Variants in JARID2 observed in about 807,000 individuals in gnomAD.
The protein encoded by JARID2 is protein Jumonji.
A neutral mutation model predicts 125.6 loss-of-function variants in JARID2; 21 were observed. The ratio of observed to expected loss-of-function variants is 0.17; its 90% CI spans 0.12 to 0.24. The LOEUF (loss-of-function observed/expected upper bound fraction) is 0.24. Ranked by LOEUF, JARID2 falls within the 10% of genes least tolerant of loss-of-function variation. The pLI is 1.00. For missense variants in JARID2, 1,303 were observed against 1,639.6 expected, an observed-to-expected ratio of 0.79 and a Z score of 3.55; for synonymous variants, 736 against 661.6, an observed-to-expected ratio of 1.11 and a Z score of -1.73.
In JARID2 at chr6:15,359,914, T is replaced by G. The variant is rs114748642; in HGVS notation, c.46-14203T>G. Among the ~76,000 whole-genome samples the G allele has an allele frequency of 4.3e-3, 659 of 152,226 alleles. 3 individuals are homozygous for G. Among genetic ancestry groups the G allele is most frequent in the Middle Eastern group, 0.02 (6 of 294 alleles). ...CCTGGTCAGGTTGGTCTTGAACCCC[T>G]GACCTCAGGTGATCTATCTTCCTCG... On this transcript the variant is annotated intron_variant, in intron 1 of 17. Coordinates refer to ENST00000341776, the MANE Select transcript of JARID2 (RefSeq NM_004973.4).
intron 3 of JARID2, among the ~76,000 whole-genome samples, chr6:15,415,470 G>T (rs1358530378): frequency 6.8e-6 from 1 of 146,646 alleles, no homozygotes; most frequent in Non-Finnish European, 1.5e-5. Flanking sequence ...CCTCCCGCAC[G>T]GGGCGGCTGG....
At chr6:15,427,911 C>T (rs1766800451) in intron 3 of JARID2, among the ~76,000 whole-genome samples, 1 of 150,896 alleles carries the variant, frequency 6.6e-6, no homozygotes. Context: ...CAGAGTGCTG[C>T]TTGATGTTAA....
intron 3 of JARID2, among the ~76,000 whole-genome samples, chr6:15,421,434 C>T (rs1294614999): frequency 3.3e-5 from 5 of 150,806 alleles, no homozygotes; most frequent in African/African-American, 7.3e-5. Context: ...AGGTGAACAG[C>T]GTAAGTAAGC....
rs1458759726 is a variant in JARID2, at chr6:15,344,106, T to C, written c.46-30011T>C. ...GTTTTACTTGGGAGTATGTAGTGAT[T>C]TTTTTTTTTTTTTTTTTTTTTTTTG... On this transcript the variant is annotated intron_variant, in intron 1 of 17. Coordinates refer to ENST00000341776, the MANE Select transcript of JARID2 (RefSeq NM_004973.4). 5.5e-4 allele frequency among the ~76,000 whole-genome samples: 3 copies of C among 5,416 alleles called. No individual in the cohort carries two copies. The African/African-American group carries it at 7.2e-3, about 13-fold the overall frequency. 3.6% of individuals were successfully genotyped at this position (5,416 alleles called of 152,430 possible). A position where few individuals can be genotyped will look rare whatever the true frequency, so the allele number is the denominator to read the frequency against.
intron 2 of JARID2, among the ~76,000 whole-genome samples, chr6:15,374,717 C>T (rs1196642879): frequency 1.3e-5 from 2 of 152,212 alleles, no homozygotes; most frequent in Non-Finnish European, 2.9e-5. Context: ...CTTTGCATAC[C>T]TCTAGAAGTG....
intron 3 of JARID2, among the ~76,000 whole-genome samples, chr6:15,440,299 C>A (rs985333349): frequency 2.0e-5 from 3 of 152,192 alleles, no homozygotes; most frequent in African/African-American, 7.2e-5. Context: ...CTGATAAAAA[C>A]TGGGAGGACT....
At chr6:15,489,282 G>A (rs1770031998) in intron 6 of JARID2, among the ~76,000 whole-genome samples, 1 of 152,146 alleles carries the variant, frequency 6.6e-6, no homozygotes, top group East Asian at 1.9e-4. Flanking sequence ...ATCAGAACTG[G>A]AGGCCATATC....
At chr6:15,253,831 A>G (rs1277083156) in intron 1 of JARID2, among the ~76,000 whole-genome samples, 10 of 152,178 alleles carry the variant, frequency 6.6e-5, no homozygotes, top group Admixed American at 6.5e-4. Context: ...ATAACCGCCT[A>G]CATTGTGAGT....
intron 2 of JARID2, among the ~76,000 whole-genome samples, chr6:15,386,798 TAGC>T (rs1436204621): frequency 6.6e-6 from 1 of 152,228 alleles, no homozygotes; most frequent in African/African-American, 2.4e-5. Flanking sequence ...TGCATCCCCT[TAGC>T]AGCTCCAGAA....
At chr6:15,250,748 AG>A (rs1759413960) in intron 1 of JARID2, among the ~76,000 whole-genome samples, 1 of 152,198 alleles carries the variant, frequency 6.6e-6, no homozygotes, top group Admixed American at 6.5e-5. Context: ...GTTTCCTCAT[AG>A]TGGGTTAAAC....
chr6:15,360,674 T>G (rs545505844), intron 1 of JARID2, among the ~76,000 whole-genome samples: 72 of 152,202 alleles, frequency 4.7e-4, no homozygotes, highest in African/African-American at 1.5e-3. Flanking sequence ...ATTTTAAATT[T>G]TTGTTGTTGT....
At chr6:15,332,733 C>A (rs946941280) in intron 1 of JARID2, among the ~76,000 whole-genome samples, 31 of 151,914 alleles carry the variant, frequency 2.0e-4, no homozygotes, top group African/African-American at 6.5e-4. Flanking sequence ...TCCTGCAGAG[C>A]TGGAAAGAGA....
intron 1 of JARID2, among the ~76,000 whole-genome samples, chr6:15,278,573 A>G (rs1329045373): frequency 2.6e-5 from 4 of 151,368 alleles, no homozygotes; most frequent in African/African-American, 7.3e-5. Flanking sequence ...GCAACAGAGC[A>G]AGACTCCGTC....
rs1051261122 is a variant in JARID2 at position 15,433,430 on chromosome 6, G to C, written c.324-18576G>C. Among the ~76,000 whole-genome samples, 6 of 151,460 alleles carry C rather than the reference G, an allele frequency of 4.0e-5. No individual in the cohort carries two copies. In the South Asian group the frequency reaches 1.0e-3, roughly 26 times the overall value. On this transcript the variant is annotated intron_variant, in intron 3 of 17. Coordinates refer to ENST00000341776, the MANE Select transcript of JARID2 (RefSeq NM_004973.4). ...TCTCTCTGTGTGTGTGTGTGTGTGT[G>C]TGTGTGTGTGTGTGTGTGTGTATAA... is the stretch of plus-strand genomic sequence containing the variant.
At position 15,508,425 on chromosome 6, in the gene JARID2, C is replaced by T. The variant is rs773139206; in HGVS notation, c.2817C>T (p.Asp939=). Residue 939 remains aspartate, a synonymous_variant, in exon 12 of 18, where the codon GAC becomes GAT. Transcript: ENST00000341776. ...ACCAAAATCACCTTCCATACATTGA[C>T]TACTTACACACTGGTGCTGACTGCA... ...SRDQNHLPYI[D]YLHTGADCIW... 6.2e-7 allele frequency: 1 copy of T among 1,602,828 alleles called. No homozygotes were observed. Among genetic ancestry groups the T allele is most frequent in the South Asian group, 1.1e-5 (1 of 90,866 alleles).
intron 3 of JARID2, among the ~76,000 whole-genome samples, chr6:15,448,203 T>C (rs1229726421): frequency 1.3e-5 from 2 of 152,236 alleles, no homozygotes; most frequent in Admixed American, 1.3e-4. Flanking sequence ...CTTCTTCCTC[T>C]AAGGGGTAAT....
chr6:15,349,057 C>G lies in JARID2; in HGVS notation c.46-25060C>G, dbSNP rs76100838. 9.9e-5 allele frequency among the ~76,000 whole-genome samples: 15 copies of G among 152,276 alleles called. No homozygotes were observed. The East Asian group carries it at 2.9e-3, about 29-fold the overall frequency. ...GGGAAAAATGTTTTCACTGAGATTC[C>G]TGAAACCATATTGCAACATGAGTTT... On this transcript the variant is annotated intron_variant, in intron 1 of 17. Transcript: ENST00000341776.
In JARID2 at chr6:15,452,292, G is replaced by T. The variant is rs541421771; in HGVS notation, c.493+117G>T. On this transcript the variant is annotated intron_variant, in intron 4 of 17. Transcript: ENST00000341776. ...ATGTTCATTTTTCTGTCCCCAACCT[G>T]GGTTGAGGGGGAATTGAAAGTGAGA... 108 of 1,405,288 alleles carry T rather than the reference G, an allele frequency of 7.7e-5. No homozygotes were observed. In the East Asian group the frequency reaches 2.2e-3, roughly 29 times the overall value. The allele number at this position is 1,405,288 out of a possible 1,614,324, so 87.1% of individuals were successfully genotyped here.
chr6:15,304,829 A>C (rs1761763110), intron 1 of JARID2, among the ~76,000 whole-genome samples: 1 of 152,088 alleles, frequency 6.6e-6, no homozygotes, highest in Admixed American at 6.6e-5. Context: ...CAGTGCTGGC[A>C]GGGGGCACCA....
Sources: gnomAD v4.1 joint callset for allele counts (sites outside exome capture counted in the v4.1 genomes callset) on GRCh38, gnomAD v4.1.1 for gene constraint, MANE v1.5 for transcripts, NCBI Gene and HGNC (gene_info 2026-07-23, HGNC 2026-07-21) for gene names.